Variants in DCC observed in about 807,000 individuals in gnomAD.
DCC encodes DCC netrin 1 receptor.
Under a neutral mutation model 172.5 loss-of-function variants are expected in DCC, and 58 were observed. That is an observed-to-expected ratio of 0.34 (90% confidence interval 0.27 to 0.42). The LOEUF is 0.42. DCC is among the 10% of genes least tolerant of loss of function. The pLI, the probability that DCC is intolerant of heterozygous loss-of-function variation, is 1.00. For missense variants in DCC, 1,740 were observed against 1,791.0 expected, an observed-to-expected ratio of 0.97 and a Z score of 0.51; for synonymous variants, 709 against 644.5, an observed-to-expected ratio of 1.10 and a Z score of -1.52.
chr18:53,024,569 G>A (rs539009065), intron 5 of DCC, among the ~76,000 whole-genome samples: 3 of 152,240 alleles, frequency 2.0e-5, no homozygotes, highest in Admixed American at 6.5e-5. Flanking sequence ...GAATCACAGC[G>A]AATGGGAAAC....
At chr18:52,761,550 G>A (rs998273679) in intron 2 of DCC, among the ~76,000 whole-genome samples, 2 of 152,100 alleles carry the variant, frequency 1.3e-5, no homozygotes, top group African/African-American at 2.4e-5. Flanking sequence ...AAACAACAAT[G>A]ATAAATATTT....
At chr18:53,511,481 T>C (rs951892016) in intron 27 of DCC, among the ~76,000 whole-genome samples, 1 of 152,178 alleles carries the variant, frequency 6.6e-6, no homozygotes, top group Non-Finnish European at 1.5e-5. Flanking sequence ...TAGGAACAGC[T>C]CCGGTCTACA....
intron 5 of DCC, among the ~76,000 whole-genome samples, chr18:53,014,682 C>CAGGA (rs1249695255): frequency 6.6e-6 from 1 of 151,884 alleles, no homozygotes; most frequent in African/African-American, 2.4e-5. Flanking sequence ...AGAGAAGATA[C>CAGGA]AGGAAGGCAC....
chr18:52,562,994 C>T (rs2033074106), intron 1 of DCC, among the ~76,000 whole-genome samples: 1 of 152,016 alleles, frequency 6.6e-6, no homozygotes, highest in Non-Finnish European at 1.5e-5. Context: ...GCTATGCATC[C>T]ATTAGAGACT....
intron 7 of DCC, among the ~76,000 whole-genome samples, chr18:53,089,518 A>G (rs1282094891): frequency 1.3e-5 from 2 of 152,134 alleles, no homozygotes; most frequent in East Asian, 3.8e-4. Context: ...CTAATTTTAT[A>G]ACTGCTTTGG....
At position 52,535,776 on chromosome 18, in the gene DCC, C is replaced by T. The variant is rs556121149; in HGVS notation, c.91+194898C>T. On this transcript the variant is annotated intron_variant, in intron 1 of 28. Coordinates refer to ENST00000442544, the MANE Select transcript of DCC (RefSeq NM_005215.4). The stretch of plus-strand genomic sequence containing the variant: ...TGCATGGGGATTTTCTAAACTCATA[C>T]ATTCAACACCCATTTGCTTAGCACT... Among the ~76,000 whole-genome samples the T allele has an allele frequency of 5.9e-5, 9 of 152,266 alleles. No individual in the cohort carries two copies. In the South Asian group the frequency reaches 1.9e-3, roughly 32 times the overall value.
intron 3 of DCC, among the ~76,000 whole-genome samples, chr18:52,912,879 A>G (rs1024665333): frequency 6.6e-6 from 1 of 152,084 alleles, no homozygotes; most frequent in African/African-American, 2.4e-5. Context: ...GCAAGACAAA[A>G]TCTAATCCTT....
intron 2 of DCC, among the ~76,000 whole-genome samples, chr18:52,851,653 A>C (rs2038976917): frequency 6.6e-6 from 1 of 152,156 alleles, no homozygotes. Context: ...GAGTTTAAGA[A>C]GGAGCCTGAA....
chr18:52,830,548 T>C (rs540065524), intron 2 of DCC, among the ~76,000 whole-genome samples: 1 of 152,192 alleles, frequency 6.6e-6, no homozygotes, highest in Admixed American at 6.5e-5. Context: ...TTGGATGAAA[T>C]TGCACAGTCA....
chr18:52,481,807 C>G (rs187603029), intron 1 of DCC, among the ~76,000 whole-genome samples: 1 of 151,586 alleles, frequency 6.6e-6, no homozygotes, highest in African/African-American at 2.4e-5. Context: ...CCCATGAGAT[C>G]GTTTTGAAGA....
At chr18:52,687,219 T>C (rs906336052) in intron 1 of DCC, among the ~76,000 whole-genome samples, 2 of 152,074 alleles carry the variant, frequency 1.3e-5, no homozygotes, top group African/African-American at 4.8e-5. Flanking sequence ...GAATCACTCT[T>C]TTGGAACATT....
intron 12 of DCC, among the ~76,000 whole-genome samples, chr18:53,237,950 A>C (rs1245819951): frequency 6.6e-6 from 1 of 152,152 alleles, no homozygotes; most frequent in African/African-American, 2.4e-5. Context: ...TTTAATCTTC[A>C]AATCTATTAC....
intron 5 of DCC, among the ~76,000 whole-genome samples, chr18:53,005,478 A>C (rs2041630351): frequency 6.6e-6 from 1 of 152,180 alleles, no homozygotes; most frequent in South Asian, 2.1e-4. Context: ...TTACACCTGT[A>C]ATCCCAACAC....
At chr18:53,343,924 G>A (rs2057691553) in intron 15 of DCC, among the ~76,000 whole-genome samples, 1 of 151,652 alleles carries the variant, frequency 6.6e-6, no homozygotes, top group Admixed American at 6.6e-5. Context: ...GTCTCTTGTT[G>A]GCACAGTTAT....
chr18:53,390,266 C>CCTTTTTTTTTTTTTTTTTTTTTTTTTT (rs34412320), intron 16 of DCC, among the ~76,000 whole-genome samples: 1 of 140,734 alleles, frequency 7.1e-6, no homozygotes. Flanking sequence ...TCTCTCTCTC[C>CCTTTTTTTTTTTTTTTTTTTTTTTTTT]TTTTATTTTT....
In DCC at chr18:53,468,367, A is replaced by ATTTATTTATTTATTTAT. The variant is rs1568151601; in HGVS notation, c.3736+372_3736+373insATTTTATTTATTTATTT. Among the ~76,000 whole-genome samples, 1,005 of 129,518 alleles carry ATTTATTTATTTATTTAT rather than the reference A, an allele frequency of 7.8e-3. 22 individuals are homozygous for ATTTATTTATTTATTTAT. Among genetic ancestry groups the ATTTATTTATTTATTTAT allele is most frequent in the African/African-American group, 0.027 (947 of 35,112 alleles). The allele number at this position is 129,518 out of a possible 152,430, so 85.0% of individuals were successfully genotyped here. A position where few individuals can be genotyped will look rare whatever the true frequency, so the allele number is the denominator to read the frequency against. The stretch of plus-strand genomic sequence containing the variant: ...TTTTATTTATTTATTTATTTATTTT[A>ATTTATTTATTTATTTAT]TTTATTTATTTATTTTATTTATTTA... On this transcript the variant is annotated intron_variant, in intron 25 of 28. Coordinates refer to ENST00000442544, the MANE Select transcript of DCC (RefSeq NM_005215.4).
In DCC at chr18:53,086,093, C is replaced by T. The variant is rs1599113915; in HGVS notation, c.1261+19927C>T. On this transcript the variant is annotated intron_variant, in intron 7 of 28. Coordinates refer to ENST00000442544, the MANE Select transcript of DCC (RefSeq NM_005215.4). The stretch of plus-strand genomic sequence containing the variant: ...CTCTCCTCCTCCTCCTCCTCCTCCT[C>T]CTCCTCCTCCTCCTCCTCCTCCTCC... Among the ~76,000 whole-genome samples the T allele has an allele frequency of 2.5e-3, 8 of 3,182 alleles. 4 individuals are homozygous for T. In the African/African-American group the frequency reaches 0.04, roughly 16 times the overall value. 2.1% of individuals were successfully genotyped at this position (3,182 alleles called of 152,430 possible).
chr18:52,750,672 G>A (rs2036980812), intron 1 of DCC, among the ~76,000 whole-genome samples: 1 of 152,166 alleles, frequency 6.6e-6, no homozygotes, highest in African/African-American at 2.4e-5. Flanking sequence ...ACCGTAAGAA[G>A]CTGTTCTGCT....
chr18:52,343,038 C>T (rs1040109826), intron 1 of DCC, among the ~76,000 whole-genome samples: 1 of 152,164 alleles, frequency 6.6e-6, no homozygotes, highest in Non-Finnish European at 1.5e-5. Context: ...GATAGGCTAA[C>T]GGATCTAAAT....
Sources: allele counts gnomAD v4.1 joint callset (sites outside exome capture counted in the v4.1 genomes callset), GRCh38; gene constraint gnomAD v4.1.1; transcripts MANE v1.5; gene names NCBI Gene and HGNC (gene_info 2026-07-23, HGNC 2026-07-21).